The following PTPN12 variants were observed in gnomAD, a reference collection of about 807,000 sequenced individuals.
PTPN12 encodes protein tyrosine phosphatase non-receptor type 12, also known as tyrosine-protein phosphatase non-receptor type 12.
A neutral mutation model predicts 97.6 loss-of-function variants in PTPN12; 29 were observed. That is an observed-to-expected ratio of 0.30 (90% CI 0.22 to 0.41). The LOEUF is 0.41. PTPN12 is among the 10% of genes least tolerant of loss of function. The pLI is 1.00. For missense variants in PTPN12, 819 were observed against 926.0 expected, an observed-to-expected ratio of 0.88 and a Z score of 1.50; for synonymous variants, 327 against 300.4, an observed-to-expected ratio of 1.09 and a Z score of -0.91.
rs796409700 is a variant in PTPN12 at position 77,537,987 on chromosome 7, G to GC, written c.99+342_99+343insC. The GC allele has an allele frequency of 1.5e-4, 153 of 1,001,334 alleles. No homozygotes were observed. In the African/African-American group the frequency reaches 2.1e-3, roughly 14 times the overall value. The allele number at this position is 1,001,334 out of a possible 1,614,324, so 62.0% of individuals were successfully genotyped here. A position where few individuals can be genotyped will look rare whatever the true frequency, so the allele number is the denominator to read the frequency against. On this transcript the variant is annotated intron_variant, in intron 1 of 17. Transcript: ENST00000248594. Reference sequence around the variant, plus strand: ...CAAGTGAGGTGCAGGCCGGGGGGGGGGGCTCGCGTTTCCACACCTCCCCGC... The same window carrying GC: ...CAAGTGAGGTGCAGGCCGGGGGGGGGCGGCTCGCGTTTCCACACCTCCCCGC...
intron 14 of PTPN12, among the ~76,000 whole-genome samples, chr7:77,634,958 C>G (rs1347520286): frequency 1.3e-5 from 2 of 152,130 alleles, no homozygotes; most frequent in Non-Finnish European, 2.9e-5. Flanking sequence ...TCAAGCTGTT[C>G]TCCTGCCTCA....
chr7:77,560,506 G>A (rs891059019), intron 1 of PTPN12, among the ~76,000 whole-genome samples: 4 of 152,122 alleles, frequency 2.6e-5, no homozygotes, highest in Non-Finnish European at 2.9e-5. Flanking sequence ...ATCTTAGAAA[G>A]CTAAAACTCT....
chr7:77,589,443 G>A (rs944111552), intron 5 of PTPN12, among the ~76,000 whole-genome samples: 1 of 151,882 alleles, frequency 6.6e-6, no homozygotes, highest in African/African-American at 2.4e-5. Flanking sequence ...CTATAAATAT[G>A]GCATACAAAT....
intron 1 of PTPN12, among the ~76,000 whole-genome samples, chr7:77,565,508 T>C (rs1213332418): frequency 6.6e-6 from 1 of 152,206 alleles, no homozygotes; most frequent in Non-Finnish European, 1.5e-5. Flanking sequence ...TTGGGCATGT[T>C]TGTGATGCCC....
At position 77,625,849 on chromosome 7, in the gene PTPN12, C is replaced by T. The variant is rs545389810; in HGVS notation, c.1026-856C>T. Among the ~76,000 whole-genome samples the T allele has an allele frequency of 9.9e-5, 15 of 151,758 alleles. No homozygotes were observed. In the South Asian group the frequency reaches 1.9e-3, roughly 19 times the overall value. On this transcript the variant is annotated intron_variant, in intron 12 of 17. Transcript: ENST00000248594. Reference sequence around the variant, plus strand: ...CCTCCCAAAGTGCTGGGATTACAGGCGTGAGCCACCATGCCTGGCCCCTAT... The same window carrying T: ...CCTCCCAAAGTGCTGGGATTACAGGTGTGAGCCACCATGCCTGGCCCCTAT...
intron 2 of PTPN12, among the ~76,000 whole-genome samples, chr7:77,574,146 CAT>C (rs1357187320): frequency 6.6e-6 from 1 of 152,278 alleles, no homozygotes; most frequent in South Asian, 2.1e-4. Flanking sequence ...TACATATTAA[CAT>C]ATATGGTCTG....
At chr7:77,637,483 A>G (rs1789634572) in intron 16 of PTPN12, among the ~76,000 whole-genome samples, 1 of 152,210 alleles carries the variant, frequency 6.6e-6, no homozygotes, top group African/African-American at 2.4e-5. Context: ...GAATTTTAGT[A>G]GTTAACATCT....
intron 1 of PTPN12, among the ~76,000 whole-genome samples, chr7:77,561,851 G>A (rs1477217023): frequency 4.0e-5 from 6 of 151,770 alleles, no homozygotes; most frequent in Non-Finnish European, 4.4e-5. Context: ...GAATGCAGTG[G>A]CACGATCTCG....
chr7:77,636,442 C>T (rs565046118), intron 15 of PTPN12, among the ~76,000 whole-genome samples: 2 of 151,944 alleles, frequency 1.3e-5, no homozygotes, highest in South Asian at 2.1e-4. Flanking sequence ...ATTAGCCAGG[C>T]GTGGTGGCGC....
intron 8 of PTPN12, 36 bp downstream of exon 8, chr7:77,600,842 T>C (rs772792002): frequency 2.0e-6 from 3 of 1,512,410 alleles, no homozygotes; most frequent in Non-Finnish European, 2.7e-6. Flanking sequence ...AAATACATTA[T>C]TTAAGTTTGA....
At chr7:77,625,443 A>G (rs760961290) in intron 12 of PTPN12, among the ~76,000 whole-genome samples, 1 of 116,424 alleles carries the variant, frequency 8.6e-6, no homozygotes, top group Non-Finnish European at 1.7e-5. Flanking sequence ...TTAAAGACAC[A>G]GGGTTTTGCC....
intron 1 of PTPN12, among the ~76,000 whole-genome samples, chr7:77,568,482 T>C (rs1025199084): frequency 6.6e-6 from 1 of 151,976 alleles, no homozygotes; most frequent in Admixed American, 6.6e-5. Context: ...CTACAAAAAA[T>C]AGTAATAATA....
chr7:77,605,409 G>GGTGTTTTT (rs1554321255), intron 8 of PTPN12, among the ~76,000 whole-genome samples: 1 of 95,560 alleles, frequency 1.0e-5, no homozygotes, highest in Non-Finnish European at 2.0e-5. Flanking sequence ...TTTGTCATGA[G>GGTGTTTTT]TTTTTTTTTT....
intron 8 of PTPN12, among the ~76,000 whole-genome samples, chr7:77,603,696 T>G (rs1457582735): frequency 6.6e-6 from 1 of 152,148 alleles, no homozygotes; most frequent in African/African-American, 2.4e-5. Context: ...TAGGACAAAG[T>G]TATTATTGGA....
chr7:77,556,114 G>A (rs1807699783), intron 1 of PTPN12, among the ~76,000 whole-genome samples: 1 of 152,104 alleles, frequency 6.6e-6, no homozygotes, highest in African/African-American at 2.4e-5. Flanking sequence ...AGGCTGGAGT[G>A]CAGTGATACA....
chr7:77,537,360 G>A lies in PTPN12; in HGVS notation c.-187G>A. ...GCTGCTCCTGGAAGTTGTGGTGTCG[G>A]GAGCCCAGCCGGTGCCGCCGCAGCC... On this transcript the variant is annotated 5_prime_UTR_variant, in exon 1 of 18. Coordinates refer to ENST00000248594, the MANE Select transcript of PTPN12 (RefSeq NM_002835.4). 8 of 742,954 alleles carry A rather than the reference G, an allele frequency of 1.1e-5. No homozygotes were observed. The highest frequency in any genetic ancestry group is 1.6e-5 in the Non-Finnish European group (8 of 504,886). The allele number at this position is 742,954 out of a possible 1,614,324, so 46.0% of individuals were successfully genotyped here.
At chr7:77,553,912 TG>T in intron 1 of PTPN12, among the ~76,000 whole-genome samples, 1 of 151,090 alleles carries the variant, frequency 6.6e-6, no homozygotes, top group African/African-American at 2.4e-5. Flanking sequence ...AAATATCATA[TG>T]ACTGTCCTTT....
intron 14 of PTPN12, among the ~76,000 whole-genome samples, chr7:77,632,951 G>A (rs145457705): frequency 3.3e-5 from 5 of 151,852 alleles, no homozygotes; most frequent in East Asian, 3.9e-4. Flanking sequence ...GCAAGATTTC[G>A]TCTCAAAAAG....
intron 2 of PTPN12, among the ~76,000 whole-genome samples, chr7:77,579,190 C>T (rs893274284): frequency 2.6e-5 from 4 of 152,262 alleles, no homozygotes; most frequent in South Asian, 2.1e-4. Flanking sequence ...GGCGCGATCT[C>T]GGCTTACCAC....
Sources: gnomAD v4.1 joint callset for allele counts (sites outside exome capture counted in the v4.1 genomes callset) on GRCh38, gnomAD v4.1.1 for gene constraint, MANE v1.5 for transcripts, NCBI Gene and HGNC (gene_info 2026-07-23, HGNC 2026-07-21) for gene names.